Variants in FRAS1 observed in about 807,000 individuals in gnomAD.
FRAS1 encodes the protein Fraser extracellular matrix complex subunit 1, also known as extracellular matrix organizing protein FRAS1.
Under a neutral mutation model 435.2 loss-of-function variants are expected in FRAS1, and 290 were observed. The ratio of observed to expected loss-of-function variants is 0.67; its 90% confidence interval spans 0.61 to 0.73. The LOEUF (loss-of-function observed/expected upper bound fraction) is 0.73, where lower values mean the gene tolerates loss of function less well. Ranked by LOEUF, FRAS1 falls within the 30% of genes least tolerant of loss-of-function variation. FRAS1 has a pLI of 0.00. For synonymous variants in FRAS1, 1,800 were observed against 1,851.0 expected (o/e 0.97, Z 0.71); for missense variants, 4,860 against 5,001.5 (o/e 0.97, Z 0.85).
At chr4:78,132,434 AT>A (rs1450747629) in intron 2 of FRAS1, among the ~76,000 whole-genome samples, 3 of 152,220 alleles carry the variant, frequency 2.0e-5, no homozygotes, top group Non-Finnish European at 2.9e-5. Flanking sequence ...CAGTCCAGCA[AT>A]GCAGTGCTCA....
intron 9 of FRAS1, among the ~76,000 whole-genome samples, chr4:78,277,465 C>A (rs1225711067): frequency 6.6e-6 from 1 of 152,088 alleles, no homozygotes; most frequent in Non-Finnish European, 1.5e-5. Context: ...ACCGCCCCCC[C>A]CATTCTTTAG....
chr4:78,408,321 A>G (rs1274800405), intron 31 of FRAS1, among the ~76,000 whole-genome samples: 4 of 152,188 alleles, frequency 2.6e-5, no homozygotes, highest in Non-Finnish European at 4.4e-5. Context: ...ATATCAGTGG[A>G]ATTCCCTACA....
At chr4:78,399,297 A>G (rs755339743) in intron 29 of FRAS1, among the ~76,000 whole-genome samples, 11 of 152,186 alleles carry the variant, frequency 7.2e-5, no homozygotes, top group Admixed American at 3.3e-4. Flanking sequence ...CAAGTGAGCA[A>G]AAGAATAGAT....
Position 78,475,609 on chromosome 4 carries a change from A to ACTCT in FRAS1, c.7851+3_7851+4insCTCT. ...ACTATGTAGAGTATGCTGGCCAGGT[A>ACTCT]GGTGGGGTAGTGGGGTTGGGGGAGG... On this transcript the variant is annotated splice_donor_region_variant and intron_variant, in intron 54 of 73. Transcript: ENST00000512123. The ACTCT allele has an allele frequency of 6.4e-7, 1 of 1,554,348 alleles. No individual in the cohort carries two copies. Among genetic ancestry groups the ACTCT allele is most frequent in the Non-Finnish European group, 8.8e-7 (1 of 1,142,620 alleles).
At chr4:78,465,547 A>C (rs774204439) in intron 49 of FRAS1, among the ~76,000 whole-genome samples, 16 of 152,228 alleles carry the variant, frequency 1.1e-4, no homozygotes, top group Non-Finnish European at 1.6e-4. Context: ...GGGGAGCCAG[A>C]AATACAAAGG....
intron 61 of FRAS1, among the ~76,000 whole-genome samples, chr4:78,505,561 A>G (rs1157774949): frequency 6.6e-6 from 1 of 152,076 alleles, no homozygotes; most frequent in East Asian, 1.9e-4. Flanking sequence ...CTCTTGTGCC[A>G]TGGTTTTCAG....
chr4:78,541,159 AT>A lies in FRAS1; in HGVS notation c.*40del. ...CCTATGTGTATTTTTTTCTAAAATC[AT>A]TTTTATAAAATGGGGGGAAATACTG... is the stretch of plus-strand genomic sequence containing the variant. On this transcript the variant is annotated 3_prime_UTR_variant, in exon 74 of 74. Coordinates refer to ENST00000512123, the MANE Select transcript of FRAS1 (RefSeq NM_025074.7). 8.4e-7 allele frequency: 1 copy of A among 1,190,234 alleles called. No homozygotes were observed. The highest frequency in any genetic ancestry group is 1.1e-6 in the Non-Finnish European group (1 of 912,792). The allele number at this position is 1,190,234 out of a possible 1,614,324, so 73.7% of individuals were successfully genotyped here.
intron 30 of FRAS1, among the ~76,000 whole-genome samples, chr4:78,407,343 A>G (rs1733140660): frequency 6.6e-6 from 1 of 152,298 alleles, no homozygotes; most frequent in Non-Finnish European, 1.5e-5. Context: ...CCAGTATTTG[A>G]GTATTTGTCT....
chr4:78,326,655 T>C (rs1337067322), intron 18 of FRAS1, among the ~76,000 whole-genome samples: 1 of 152,186 alleles, frequency 6.6e-6, no homozygotes, highest in Non-Finnish European at 1.5e-5. Context: ...GCCAAAGCTG[T>C]ACACATAAAT....
intron 2 of FRAS1, among the ~76,000 whole-genome samples, chr4:78,163,215 AT>A (rs1430588279): frequency 6.6e-6 from 1 of 152,162 alleles, no homozygotes; most frequent in African/African-American, 2.4e-5. Context: ...TTTATTCCAC[AT>A]TTTCACATTC....
chr4:78,308,282 A>T lies in FRAS1; in HGVS notation c.1678+73A>T, dbSNP rs1055197210. On this transcript the variant is annotated intron_variant, in intron 15 of 73. Transcript: ENST00000512123. ...CAGCATCTCTTGTTGTATTCAAATC[A>T]TAGCACATTACCAATGTTTCTTTTA... 3 of 1,425,736 alleles carry T rather than the reference A, an allele frequency of 2.1e-6. No homozygotes were observed. The African/African-American group carries it at 4.2e-5, about 20-fold the overall frequency. The allele number at this position is 1,425,736 out of a possible 1,614,324, so 88.3% of individuals were successfully genotyped here.
At chr4:78,253,465 AAG>A (rs1408899111) in intron 5 of FRAS1, among the ~76,000 whole-genome samples, 1 of 152,216 alleles carries the variant, frequency 6.6e-6, no homozygotes, top group Non-Finnish European at 1.5e-5. Flanking sequence ...AAGAAATTGT[AAG>A]AGTATTATTA....
Position 78,308,115 on chromosome 4 carries a change from C to G in FRAS1, c.1584C>G (p.Cys528Trp). The G allele has an allele frequency of 6.2e-7, 1 of 1,613,890 alleles. No homozygotes were observed. The highest frequency in any genetic ancestry group is 8.5e-7 in the Non-Finnish European group (1 of 1,179,794). The change falls in exon 15 of 74, where the codon TGC becomes TGG. Residue 528 changes from cysteine (C) to tryptophan (W), a missense_variant. Cys to Trp is a radical substitution (Grantham distance 215). Coordinates refer to ENST00000512123, the MANE Select transcript of FRAS1 (RefSeq NM_025074.7). Reference sequence around the variant, plus strand: ...GCTGGGGCCCAACGGAGAAGCACTGCTTGGCCTGCAGAGATCCCCTCCACG... The same window carrying G: ...GCTGGGGCCCAACGGAGAAGCACTGGTTGGCCTGCAGAGATCCCCTCCACG... ...AGCWGPTEKHCLACRDPLHVL... is the reference protein window; with the variant it reads ...AGCWGPTEKHWLACRDPLHVL...
chr4:78,282,881 C>T lies in FRAS1; in HGVS notation c.1169C>T (p.Thr390Ile). 6.2e-7 allele frequency: 1 copy of T among 1,612,790 alleles called. No individual in the cohort carries two copies. The highest frequency in any genetic ancestry group is 8.5e-7 in the Non-Finnish European group (1 of 1,179,580). The change falls in exon 12 of 74, where the codon ACT becomes ATT. Residue 390 changes from threonine to isoleucine, a missense_variant. By Grantham distance (89) the Thr-to-Ile change is moderately conservative. Coordinates refer to ENST00000512123, the MANE Select transcript of FRAS1 (RefSeq NM_025074.7). ...TGTGAGTGCCGAGGGGCTCAGGTAA[C>T]TTGCTACGAGCCCTCTTGCCCACCA... is the stretch of plus-strand genomic sequence containing the variant. The part of the protein sequence containing the change: ...KVCECRGAQV[T>I]CYEPSCPPCP...
chr4:78,163,614 T>C (rs190385555), intron 2 of FRAS1, among the ~76,000 whole-genome samples: 80 of 152,336 alleles, frequency 5.3e-4, no homozygotes, highest in Non-Finnish European at 9.7e-4. Flanking sequence ...GTTTAAATTA[T>C]GATAAATGAA....
chr4:78,343,440 T>TCCCTCC (rs1730478564), intron 20 of FRAS1, among the ~76,000 whole-genome samples: 1 of 62,488 alleles, frequency 1.6e-5, no homozygotes, highest in African/African-American at 9.1e-5. Context: ...CCTCCCTCCC[T>TCCCTCC]CTCTCTCTCT....
intron 32 of FRAS1, among the ~76,000 whole-genome samples, chr4:78,416,406 C>T (rs1229511586): frequency 6.6e-6 from 1 of 151,348 alleles, no homozygotes; most frequent in Non-Finnish European, 1.5e-5. Context: ...ATAGTCAACA[C>T]TACAGAGCTG....
intron 47 of FRAS1, among the ~76,000 whole-genome samples, chr4:78,461,915 G>A (rs2109844096): frequency 6.6e-6 from 1 of 152,240 alleles, no homozygotes; most frequent in East Asian, 1.9e-4. Flanking sequence ...CTAATCTGTA[G>A]CATCAGAAAG....
chr4:78,476,383 G>A (rs1426023419), intron 54 of FRAS1, among the ~76,000 whole-genome samples: 1 of 151,646 alleles, frequency 6.6e-6, no homozygotes, highest in African/African-American at 2.4e-5. Flanking sequence ...GAGAAAGGAG[G>A]ACTTAAATAG....
Sources: gnomAD v4.1 joint callset for allele counts (sites outside exome capture counted in the v4.1 genomes callset) on GRCh38, gnomAD v4.1.1 for gene constraint, MANE v1.5 for transcripts, NCBI Gene and HGNC (gene_info 2026-07-23, HGNC 2026-07-21) for gene names.